Variants in YAF2 observed in about 807,000 individuals in gnomAD.
YAF2 encodes the protein YY1 associated factor 2.
Under a neutral mutation model 20.1 loss-of-function variants are expected in YAF2, and 7 were observed. The ratio of observed to expected loss-of-function variants is 0.35; its 90% CI spans 0.20 to 0.65. The LOEUF is 0.65. Among genes scored for constraint, YAF2 ranks in the 30% least tolerant of loss-of-function variants. YAF2 has a pLI of 0.69. For missense variants in YAF2, 151 were observed against 219.2 expected (o/e 0.69, Z 1.96); for synonymous variants, 74 against 76.0 (o/e 0.97, Z 0.14).
At chr12:42,163,952 G>A (rs2065854691) in intron 2 of YAF2, among the ~76,000 whole-genome samples, 1 of 152,088 alleles carries the variant, frequency 6.6e-6, no homozygotes, top group African/African-American at 2.4e-5. Context: ...AAATTTTAGA[G>A]GTAGGAAATA....
At chr12:42,229,964 G>A (rs1198010978) in intron 2 of YAF2, among the ~76,000 whole-genome samples, 1 of 152,114 alleles carries the variant, frequency 6.6e-6, no homozygotes, top group Non-Finnish European at 1.5e-5. Context: ...AATCCTAGAG[G>A]GCTTCTTTGA....
chr12:42,181,886 A>G (rs936069164), intron 2 of YAF2, among the ~76,000 whole-genome samples: 6 of 151,988 alleles, frequency 3.9e-5, no homozygotes, highest in African/African-American at 1.5e-4. Context: ...CTGTTTTTTA[A>G]CAGTTTTTTA....
chr12:42,215,476 T>C (rs1259103615), intron 2 of YAF2, among the ~76,000 whole-genome samples: 1 of 152,144 alleles, frequency 6.6e-6, no homozygotes, highest in African/African-American at 2.4e-5. Flanking sequence ...ATAGAACAAA[T>C]GAAGTTTTAA....
At chr12:42,165,976 G>A (rs768644003) in intron 2 of YAF2, among the ~76,000 whole-genome samples, 1 of 151,818 alleles carries the variant, frequency 6.6e-6, no homozygotes. Context: ...GGAGTGCGGT[G>A]GCGTGATCTT....
intron 2 of YAF2, among the ~76,000 whole-genome samples, chr12:42,219,255 G>C (rs2067446482): frequency 6.6e-6 from 1 of 152,026 alleles, no homozygotes. Flanking sequence ...GCCTCCTGAG[G>C]GACAGCCAGG....
chr12:42,192,820 T>G (rs1194560196), intron 2 of YAF2, among the ~76,000 whole-genome samples: 1 of 152,234 alleles, frequency 6.6e-6, no homozygotes, highest in Non-Finnish European at 1.5e-5. Context: ...GCAAAGTTAC[T>G]TTTAAGCATA....
intron 3 of YAF2, 94 bp from the exon 4 acceptor site, chr12:42,160,920 T>C: frequency 6.7e-6 from 7 of 1,042,338 alleles, no homozygotes; most frequent in Non-Finnish European, 8.3e-6. Context: ...AGTAACAAAA[T>C]GAATACATGT....
chr12:42,235,424 T>C (rs910543046), intron 2 of YAF2: 9 of 1,069,278 alleles, frequency 8.4e-6, no homozygotes, highest in Non-Finnish European at 9.1e-6. Flanking sequence ...TCTTCTCTAG[T>C]AACAATACCC....
At chr12:42,227,717 G>A (rs1345680400) in intron 2 of YAF2, among the ~76,000 whole-genome samples, 34 of 149,542 alleles carry the variant, frequency 2.3e-4, no homozygotes, top group African/African-American at 7.5e-4. Context: ...GAGCGTCTCC[G>A]CCCGGCAGCC....
intron 2 of YAF2, among the ~76,000 whole-genome samples, chr12:42,200,715 T>C (rs567060069): frequency 6.6e-6 from 1 of 152,190 alleles, no homozygotes; most frequent in Admixed American, 6.5e-5. Flanking sequence ...GTGGGTAAAT[T>C]AGATCACATT....
At chr12:42,178,563 TATAA>T in intron 2 of YAF2, among the ~76,000 whole-genome samples, 1 of 152,298 alleles carries the variant, frequency 6.6e-6, no homozygotes, top group East Asian at 1.9e-4. Context: ...AAATAATCAT[TATAA>T]ATACATATAT....
chr12:42,234,181 A>T, intron 2 of YAF2: 3 of 674,070 alleles, frequency 4.5e-6, no homozygotes, highest in Non-Finnish European at 3.6e-6. Context: ...ATTCTGCCTC[A>T]AAAAAAAAAA....
At position 42,159,031 on chromosome 12, in the gene YAF2, G is replaced by C. The variant is rs908041551; in HGVS notation, c.*1558C>G. 1.3e-5 allele frequency: 2 copies of C among 151,996 alleles called. No individual in the cohort carries two copies. The highest frequency in any genetic ancestry group is 2.9e-5 in the Non-Finnish European group (2 of 67,968). 9.4% of individuals were successfully genotyped at this position (151,996 alleles called of 1,614,324 possible). The stretch of plus-strand genomic sequence containing the variant: ...TAATTTTTCATTTAACAACACTAAA[G>C]AATGAGGTATATAAATGTTTTAATC... On this transcript the variant is annotated 3_prime_UTR_variant, in exon 4 of 4. Transcript: ENST00000534854.
intron 2 of YAF2, among the ~76,000 whole-genome samples, chr12:42,173,630 C>G (rs1286808653): frequency 6.6e-6 from 1 of 152,140 alleles, no homozygotes; most frequent in Non-Finnish European, 1.5e-5. Flanking sequence ...CTTTATCATA[C>G]CCACTAATAC....
chr12:42,223,381 TAAAGA>T (rs1318953011), intron 2 of YAF2, among the ~76,000 whole-genome samples: 3 of 151,294 alleles, frequency 2.0e-5, no homozygotes, highest in African/African-American at 7.3e-5. Flanking sequence ...AACAAAAAGA[TAAAGA>T]AAAGGCTTTA....
intron 2 of YAF2, chr12:42,210,501 A>G (rs1326828278): frequency 6.5e-7 from 1 of 1,535,744 alleles, no homozygotes; most frequent in Admixed American, 2.0e-5. Flanking sequence ...AGTTTGGGGG[A>G]GGGGATTTGG....
intron 2 of YAF2, among the ~76,000 whole-genome samples, chr12:42,197,388 T>C (rs1225041636): frequency 6.6e-6 from 1 of 152,222 alleles, no homozygotes; most frequent in Non-Finnish European, 1.5e-5. Flanking sequence ...TCACAGTGGA[T>C]GGGAGAATAA....
At chr12:42,169,428 T>G (rs1433383818) in intron 2 of YAF2, among the ~76,000 whole-genome samples, 1 of 152,162 alleles carries the variant, frequency 6.6e-6, no homozygotes, top group Non-Finnish European at 1.5e-5. Context: ...CTTTTCTTTT[T>G]TTTCGGAGAC....
At chr12:42,170,547 C>T (rs1051650939) in intron 2 of YAF2, among the ~76,000 whole-genome samples, 2 of 152,126 alleles carry the variant, frequency 1.3e-5, no homozygotes, top group Non-Finnish European at 2.9e-5. Context: ...CGGTGGCTCA[C>T]GCCTATAATC....
Sources: allele counts gnomAD v4.1 joint callset (sites outside exome capture counted in the v4.1 genomes callset), GRCh38; gene constraint gnomAD v4.1.1; transcripts MANE v1.5; gene names NCBI Gene and HGNC (gene_info 2026-07-23, HGNC 2026-07-21).